Variants in STPG4 observed in about 807,000 individuals in gnomAD.
STPG4 encodes the protein protein STPG4.
A neutral mutation model predicts 31.5 loss-of-function variants in STPG4; 41 were observed. The ratio of observed to expected loss-of-function variants is 1.30; its 90% CI spans 1.01 to 1.69. STPG4 has a LOEUF of 1.69. STPG4 is among the 40% of genes most tolerant of loss of function. The pLI, the probability that STPG4 is intolerant of heterozygous loss-of-function variation, is 0.00. For synonymous variants in STPG4, 141 were observed against 103.0 expected (o/e 1.37, Z -2.24); for missense variants, 375 against 293.4 (o/e 1.28, Z -2.03).
At chr2:47,092,853 C>T (rs1033043429) in intron 5 of STPG4, among the ~76,000 whole-genome samples, 7 of 151,908 alleles carry the variant, frequency 4.6e-5, no homozygotes, top group African/African-American at 7.3e-5. Context: ...AGTGCAGTCA[C>T]GCCATCTCGG....
At chr2:47,146,564 G>GAAAA (rs34954854) in intron 3 of STPG4, among the ~76,000 whole-genome samples, 1 of 137,508 alleles carries the variant, frequency 7.3e-6, no homozygotes. Flanking sequence ...CATCTCTACT[G>GAAAA]AAAAAAAAAA....
intron 5 of STPG4, among the ~76,000 whole-genome samples, chr2:47,119,314 G>A (rs1403035381): frequency 6.6e-6 from 1 of 152,168 alleles, no homozygotes; most frequent in African/African-American, 2.4e-5. Context: ...CCAAATCAGT[G>A]AATCACTTTT....
chr2:47,093,568 G>T (rs1293543158), intron 5 of STPG4, among the ~76,000 whole-genome samples: 1 of 152,162 alleles, frequency 6.6e-6, no homozygotes, highest in Non-Finnish European at 1.5e-5. Context: ...TGGCTAAGGA[G>T]CGACCTGCCC....
intron 5 of STPG4, among the ~76,000 whole-genome samples, chr2:47,123,886 T>G (rs1686318565): frequency 6.6e-6 from 1 of 152,212 alleles, no homozygotes; most frequent in African/African-American, 2.4e-5. Context: ...TGTGTAATAG[T>G]AACAGCAGGA....
At chr2:47,099,037 G>C (rs958022003) in intron 5 of STPG4, among the ~76,000 whole-genome samples, 3 of 152,186 alleles carry the variant, frequency 2.0e-5, no homozygotes, top group Non-Finnish European at 4.4e-5. Flanking sequence ...GTCTACCTTG[G>C]TACTGTTTAT....
chr2:47,145,968 G>A (rs767470716), intron 3 of STPG4, among the ~76,000 whole-genome samples: 2 of 152,182 alleles, frequency 1.3e-5, no homozygotes, highest in African/African-American at 2.4e-5. Flanking sequence ...AAGACTTGAA[G>A]AAGGATAGAG....
chr2:47,136,395 G>A lies in STPG4; in HGVS notation c.400-6135C>T, dbSNP rs554917379. 6.6e-5 allele frequency among the ~76,000 whole-genome samples: 10 copies of A among 152,210 alleles called. No individual in the cohort carries two copies. The South Asian group carries it at 1.0e-3, about 16-fold the overall frequency. ...ACTCCTGACCTCAGGTGATGCACCC[G>A]CTTTGGCCTCCCAAAGTGCTGGGAT... On this transcript the variant is annotated intron_variant, in intron 3 of 6. Coordinates refer to ENST00000445927, the MANE Select transcript of STPG4 (RefSeq NM_001163561.2).
Position 47,129,948 on chromosome 2 carries a change from A to T in STPG4, c.512T>A (p.Phe171Tyr), listed in dbSNP as rs547645397. 6.2e-7 allele frequency: 1 copy of T among 1,611,052 alleles called. No individual in the cohort carries two copies. Among genetic ancestry groups the T allele is most frequent in the Admixed American group, 1.7e-5 (1 of 59,794 alleles). Residue 171 changes from phenylalanine (F) to tyrosine (Y), a missense_variant, in exon 5 of 7, where the codon TTT becomes TAT. By Grantham distance (22) the Phe-to-Tyr change is conservative. Coordinates refer to ENST00000445927, the MANE Select transcript of STPG4 (RefSeq NM_001163561.2). ...TGTCTACATTATACTTACGGGAATAAAATAGGTTGTTGGGAATCTTTGAAC... is the reference window on the plus strand; with the variant it reads ...TGTCTACATTATACTTACGGGAATATAATAGGTTGTTGGGAATCTTTGAAC... ...STVQRFPTTY[F>Y]IPHEGPGPGH... is the part of the protein sequence containing the mutation.
At chr2:47,124,560 A>G (rs1686329676) in intron 5 of STPG4, among the ~76,000 whole-genome samples, 1 of 152,194 alleles carries the variant, frequency 6.6e-6, no homozygotes, top group Non-Finnish European at 1.5e-5. Context: ...TTCACTTAAC[A>G]TAATGACCTC....
At chr2:47,145,162 G>T (rs910290421) in intron 3 of STPG4, among the ~76,000 whole-genome samples, 1 of 152,202 alleles carries the variant, frequency 6.6e-6, no homozygotes, top group Non-Finnish European at 1.5e-5. Flanking sequence ...TGCTGGTCCA[G>T]ACTAAATTCA....
intron 3 of STPG4, among the ~76,000 whole-genome samples, chr2:47,137,520 C>T (rs568596790): frequency 3.2e-4 from 48 of 152,228 alleles, no homozygotes; most frequent in African/African-American, 1.1e-3. Flanking sequence ...GTGTCCCCTG[C>T]CCTCTATCTT....
intron 6 of STPG4, 141 bp downstream of exon 6, chr2:47,090,129 G>C (rs867849619): frequency 4.6e-5 from 26 of 566,632 alleles, no homozygotes; most frequent in African/African-American, 4.4e-4. Context: ...ACAGGCAACT[G>C]TATCTACCAG....
chr2:47,134,070 CTTTA>C (rs1333842888), intron 3 of STPG4, among the ~76,000 whole-genome samples: 3 of 126,412 alleles, frequency 2.4e-5, no homozygotes, highest in African/African-American at 7.8e-5. Context: ...ATATACTTGA[CTTTA>C]TTTAGAACAG....
At chr2:47,122,814 T>TTTG (rs757513083) in intron 5 of STPG4, among the ~76,000 whole-genome samples, 3 of 151,272 alleles carry the variant, frequency 2.0e-5, no homozygotes, top group African/African-American at 7.3e-5. Flanking sequence ...TGTTTGTTTG[T>TTTG]CTGTTTGTTT....
intron 5 of STPG4, among the ~76,000 whole-genome samples, chr2:47,101,561 A>C (rs1394068102): frequency 1.3e-5 from 2 of 151,726 alleles, no homozygotes; most frequent in East Asian, 1.9e-4. Flanking sequence ...GTGCTTTTTT[A>C]GTTTCTCCTA....
At chr2:47,152,508 C>A (rs79502500) in intron 2 of STPG4, among the ~76,000 whole-genome samples, 177 of 152,314 alleles carry the variant, frequency 1.2e-3, no homozygotes, top group Non-Finnish European at 2.3e-3. Context: ...TATAGAAACT[C>A]TCTGGTGAGG....
intron 5 of STPG4, chr2:47,108,269 G>A (rs1004481666): frequency 2.0e-5 from 3 of 151,648 alleles, no homozygotes; most frequent in African/African-American, 7.3e-5. Flanking sequence ...AGCCAGCAGT[G>A]GCAACCCACT....
chr2:47,113,761 G>A (rs953800867), intron 5 of STPG4, among the ~76,000 whole-genome samples: 2 of 151,858 alleles, frequency 1.3e-5, no homozygotes, highest in Non-Finnish European at 2.9e-5. Context: ...TAGGCCGGGC[G>A]CAGTGGCTCA....
intron 5 of STPG4, among the ~76,000 whole-genome samples, chr2:47,119,252 G>A (rs1686213437): frequency 6.6e-6 from 1 of 152,126 alleles, no homozygotes; most frequent in Admixed American, 6.5e-5. Flanking sequence ...ACTTTGCCTT[G>A]GAACATTTTC....
Sources: gnomAD v4.1 joint callset for allele counts (sites outside exome capture counted in the v4.1 genomes callset) on GRCh38, gnomAD v4.1.1 for gene constraint, MANE v1.5 for transcripts, NCBI Gene and HGNC (gene_info 2026-07-23, HGNC 2026-07-21) for gene names.